CDH13: variants seen among roughly 807,000 people sequenced by gnomAD.
The protein encoded by CDH13 is cadherin-13.
Under a neutral mutation model 63.8 loss-of-function variants are expected in CDH13, and 24 were observed. That is an observed-to-expected ratio of 0.38 (90% CI 0.27 to 0.53). CDH13 has a LOEUF of 0.53. CDH13 is among the 20% of genes least tolerant of loss of function. CDH13 has a pLI of 0.85. For missense variants in CDH13, 1,049 were observed against 903.1 expected, an observed-to-expected ratio of 1.16 and a Z score of -2.07; for synonymous variants, 503 against 355.3, an observed-to-expected ratio of 1.42 and a Z score of -4.67.
chr16:83,013,105 G>A (rs1412530715), intron 2 of CDH13, among the ~76,000 whole-genome samples: 1 of 152,200 alleles, frequency 6.6e-6, no homozygotes, highest in African/African-American at 2.4e-5. Flanking sequence ...GCCTACAGCA[G>A]TGATCAACAA....
intron 8 of CDH13, among the ~76,000 whole-genome samples, chr16:83,649,160 C>T (rs1190345362): frequency 1.3e-5 from 2 of 152,226 alleles, no homozygotes; most frequent in Admixed American, 6.5e-5. Context: ...AAAGTGGCCA[C>T]AGGCTGCTGT....
At chr16:83,497,354 G>A (rs1046266466) in intron 7 of CDH13, among the ~76,000 whole-genome samples, 33 of 152,026 alleles carry the variant, frequency 2.2e-4, no homozygotes, top group East Asian at 5.8e-4. Flanking sequence ...AGTTCATGTC[G>A]TTTGTAGGGA....
chr16:82,781,885 C>G (rs1036421439), intron 1 of CDH13, among the ~76,000 whole-genome samples: 12 of 152,150 alleles, frequency 7.9e-5, no homozygotes, highest in Non-Finnish European at 1.2e-4. Context: ...GCTCAGTGCA[C>G]CTACAGAGAA....
chr16:82,814,722 C>A (rs990830848), intron 1 of CDH13, among the ~76,000 whole-genome samples: 36 of 152,160 alleles, frequency 2.4e-4, no homozygotes, highest in Non-Finnish European at 4.3e-4. Flanking sequence ...GTCACTGTAG[C>A]AAATTAATAG....
At chr16:83,167,333 C>G (rs1435961144) in intron 4 of CDH13, among the ~76,000 whole-genome samples, 1 of 151,670 alleles carries the variant, frequency 6.6e-6, no homozygotes, top group Non-Finnish European at 1.5e-5. Context: ...CCCGTCTCTA[C>G]TAAAAATACA....
chr16:83,771,967 C>T (rs898846860), intron 11 of CDH13, among the ~76,000 whole-genome samples: 3 of 152,178 alleles, frequency 2.0e-5, no homozygotes, highest in African/African-American at 7.2e-5. Context: ...AAGTCAATGA[C>T]ACAAGAGAAA....
intron 5 of CDH13, among the ~76,000 whole-genome samples, chr16:83,340,019 A>G (rs1328285012): frequency 6.6e-6 from 1 of 152,096 alleles, no homozygotes; most frequent in African/African-American, 2.4e-5. Flanking sequence ...GGGCCCCCCA[A>G]CACTCATCAC....
intron 6 of CDH13, among the ~76,000 whole-genome samples, chr16:83,432,274 T>A (rs1472008): frequency 1 from 151,674 of 152,326 alleles, 75,521 homozygotes; most frequent in Non-Finnish European, 1. Context: ...ATGGATCCGT[T>A]CGAGGAGTAT....
chr16:83,091,410 A>T (rs995977917), intron 3 of CDH13, among the ~76,000 whole-genome samples: 20 of 152,342 alleles, frequency 1.3e-4, no homozygotes, highest in African/African-American at 4.6e-4. Flanking sequence ...AAATCATGAG[A>T]TGTTGCCATT....
At chr16:82,715,871 C>T (rs1299709003) in intron 1 of CDH13, among the ~76,000 whole-genome samples, 2 of 152,174 alleles carry the variant, frequency 1.3e-5, no homozygotes, top group African/African-American at 4.8e-5. Context: ...ACTAGAAAAT[C>T]CCCAGTCCAA....
At chr16:83,308,880 A>C (rs182644653) in intron 5 of CDH13, among the ~76,000 whole-genome samples, 2 of 152,238 alleles carry the variant, frequency 1.3e-5, no homozygotes, top group Admixed American at 1.3e-4. Context: ...AAGAATGAAA[A>C]CCATCAACTA....
intron 10 of CDH13, among the ~76,000 whole-genome samples, chr16:83,697,217 GT>G: frequency 6.6e-6 from 1 of 152,290 alleles, no homozygotes; most frequent in Non-Finnish European, 1.5e-5. Context: ...AAAAATTTGA[GT>G]TCACCTGACG....
intron 7 of CDH13, among the ~76,000 whole-genome samples, chr16:83,579,121 C>T (rs2150718373): frequency 6.6e-6 from 1 of 152,296 alleles, no homozygotes; most frequent in East Asian, 1.9e-4. Flanking sequence ...TCCAGGCCCA[C>T]AGTAAGAAGT....
chr16:83,152,903 C>T (rs532561598), intron 4 of CDH13, among the ~76,000 whole-genome samples: 1 of 152,126 alleles, frequency 6.6e-6, no homozygotes, highest in South Asian at 2.1e-4. Context: ...ATAGACACGC[C>T]CACAAAGAAA....
chr16:83,633,521 T>A (rs1254241283), intron 8 of CDH13, among the ~76,000 whole-genome samples: 1 of 152,204 alleles, frequency 6.6e-6, no homozygotes, highest in Non-Finnish European at 1.5e-5. Flanking sequence ...TGAAAGGAGT[T>A]TGTTTTCATG....
At chr16:83,448,851 G>C (rs1211708063) in intron 6 of CDH13, among the ~76,000 whole-genome samples, 1 of 152,172 alleles carries the variant, frequency 6.6e-6, no homozygotes, top group East Asian at 1.9e-4. Flanking sequence ...ACTCCAAGAA[G>C]TTTCTGAGCA....
intron 3 of CDH13, among the ~76,000 whole-genome samples, chr16:83,035,011 A>C (rs1261927555): frequency 6.6e-6 from 1 of 152,146 alleles, no homozygotes; most frequent in Non-Finnish European, 1.5e-5. Flanking sequence ...TTCATCTCCC[A>C]CGTCCAGTAA....
intron 3 of CDH13, among the ~76,000 whole-genome samples, chr16:83,099,944 T>G (rs2034394164): frequency 6.6e-6 from 1 of 152,192 alleles, no homozygotes; most frequent in East Asian, 1.9e-4. Context: ...GCACCCACAC[T>G]GTCCTACAAA....
At chr16:83,105,393 G>T (rs1237011039) in intron 3 of CDH13, among the ~76,000 whole-genome samples, 1 of 152,192 alleles carries the variant, frequency 6.6e-6, no homozygotes, top group Non-Finnish European at 1.5e-5. Context: ...GAGGCTGAGC[G>T]CAGGGTGGCT....
Sources: allele counts gnomAD v4.1 joint callset (sites outside exome capture counted in the v4.1 genomes callset), GRCh38; gene constraint gnomAD v4.1.1; transcripts MANE v1.5; gene names NCBI Gene and HGNC (gene_info 2026-07-23, HGNC 2026-07-21).